PDPR: variants seen among roughly 807,000 people sequenced by gnomAD.
The protein encoded by PDPR is pyruvate dehydrogenase phosphatase regulatory subunit.
A neutral mutation model predicts 102.2 loss-of-function variants in PDPR; 50 were observed. The ratio of observed to expected loss-of-function variants is 0.49; its 90% confidence interval spans 0.39 to 0.62. The LOEUF (loss-of-function observed/expected upper bound fraction) is 0.62, where lower values mean the gene tolerates loss of function less well. Ranked by LOEUF, PDPR falls within the 20% of genes least tolerant of loss-of-function variation. The probability of loss-of-function intolerance (pLI) is 0.00; values close to 1 mark genes in which losing one functional copy is unlikely to be tolerated. For missense variants in PDPR, 625 were observed against 1,098.2 expected (o/e 0.57, Z 6.09); for synonymous variants, 259 against 406.0 (o/e 0.64, Z 4.35).
intron 2 of PDPR, 97 bp from the exon 3 acceptor site, chr16:70,120,364 G>T: frequency 1.4e-6 from 1 of 705,702 alleles, no homozygotes; most frequent in Non-Finnish European, 2.5e-6. Context: ...TCAAATATTT[G>T]CTGAATGAAT....
chr16:70,136,463 T>G (rs1433985966), intron 10 of PDPR, 77 bp downstream of exon 10: 1 of 1,089,280 alleles, frequency 9.2e-7, no homozygotes, highest in African/African-American at 1.6e-5. Context: ...AATTACTTGT[T>G]ATTAACATGG....
rs368632202 is a variant in PDPR, at chr16:70,120,731, A to T, written c.227+12A>T. 6 of 1,563,434 alleles carry T rather than the reference A, an allele frequency of 3.8e-6. No homozygotes were observed. In the African/African-American group the frequency reaches 8.1e-5, roughly 21 times the overall value. On this transcript the variant is annotated intron_variant, in intron 3 of 18. Coordinates refer to ENST00000288050, the MANE Select transcript of PDPR (RefSeq NM_017990.5). ...TTGGAGCAGGGCAGGTAAGGATCAG[A>T]CTGCATTTGGCTCATGGCTGTGCTG...
intron 10 of PDPR, among the ~76,000 whole-genome samples, chr16:70,137,993 A>C (rs1769470184): frequency 6.6e-6 from 1 of 151,754 alleles, no homozygotes; most frequent in South Asian, 2.1e-4. Context: ...ATCAGACTCC[A>C]GAAGAGCTAG....
At chr16:70,151,175 C>T (rs898037683) in intron 17 of PDPR, among the ~76,000 whole-genome samples, 25 of 152,230 alleles carry the variant, frequency 1.6e-4, no homozygotes, top group African/African-American at 5.8e-4. Context: ...ACCTCGTGAG[C>T]CGCCTGCCTC....
At position 70,146,205 on chromosome 16, in the gene PDPR, C is replaced by T; in HGVS notation, c.1939C>T (p.His647Tyr). The T allele has an allele frequency of 6.2e-7, 1 of 1,613,790 alleles. No individual in the cohort carries two copies. Among genetic ancestry groups the T allele is most frequent in the Non-Finnish European group, 8.5e-7 (1 of 1,179,838 alleles). ...GTCCTATGCCCCTATGACTCCAGAC[C>T]ACTTCCCAAGCCTCTTTTGCAAGGT... Reference protein sequence around the residue: ...ELSYAPMTPDHFPSLFCKEMS... With the variant: ...ELSYAPMTPDYFPSLFCKEMS... Residue 647 changes from histidine (H) to tyrosine (Y), a missense_variant, in exon 16 of 19, where the codon CAC (histidine) becomes TAC (tyrosine). Physicochemically the swap from His to Tyr is moderately conservative, Grantham distance 83 (BLOSUM62 2). Coordinates refer to ENST00000288050, the MANE Select transcript of PDPR (RefSeq NM_017990.5).
rs1965853803 is a variant in PDPR, at chr16:70,142,705, A to G, written c.1605+19A>G. ...GATAACAGTAAGTATTTGGGAACCA[A>G]AAAGTAATAGATTAGGAAACTTTAC... On this transcript the variant is annotated intron_variant, in intron 13 of 18. Transcript: ENST00000288050. 7.3e-7 allele frequency: 1 copy of G among 1,370,366 alleles called. No homozygotes were observed. The highest frequency in any genetic ancestry group is 9.9e-7 in the Non-Finnish European group (1 of 1,014,590). The allele number at this position is 1,370,366 out of a possible 1,614,324, so 84.9% of individuals were successfully genotyped here.
At position 70,142,379 on chromosome 16, in the gene PDPR, C is replaced by A; in HGVS notation, c.1461C>A (p.Pro487=). 6.2e-7 allele frequency: 1 copy of A among 1,614,036 alleles called. No individual in the cohort carries two copies. The highest frequency in any genetic ancestry group is 1.1e-5 in the South Asian group (1 of 91,068). The part of the protein sequence containing the change: ...HGFERPKYFV[P]PDKDLLALEQ... ...TTGAGAGGCCAAAGTACTTTGTTCC[C>A]CCCGACAAGGGTAAGAAGTCACATT... Residue 487 remains proline (P), a synonymous_variant, in exon 12 of 19, where the codon CCC becomes CCA. Coordinates refer to ENST00000288050, the MANE Select transcript of PDPR (RefSeq NM_017990.5).
chr16:70,133,103 C>A (rs1452027938), intron 9 of PDPR, among the ~76,000 whole-genome samples: 6 of 144,928 alleles, frequency 4.1e-5, no homozygotes, highest in African/African-American at 1.5e-4. Flanking sequence ...AGCCATGATA[C>A]CCAGCTGCTT....
rs1171841034 is a variant in PDPR, at chr16:70,159,456, G to A, written c.*2577G>A. 6.6e-6 allele frequency: 1 copy of A among 152,640 alleles called. No homozygotes were observed. Among genetic ancestry groups the A allele is most frequent in the Non-Finnish European group, 1.5e-5 (1 of 68,306 alleles). The allele number at this position is 152,640 out of a possible 1,614,324, so 9.5% of individuals were successfully genotyped here. On this transcript the variant is annotated 3_prime_UTR_variant, in exon 19 of 19. Transcript: ENST00000288050. Reference sequence around the variant, plus strand: ...GTGTTGATCTTCTAGGACATCACTTGTTTATTCAGTGCCCCAAACACAGAT... The same window carrying A: ...GTGTTGATCTTCTAGGACATCACTTATTTATTCAGTGCCCCAAACACAGAT...
chr16:70,130,920 C>T (rs1964476900), intron 7 of PDPR, among the ~76,000 whole-genome samples: 1 of 152,288 alleles, frequency 6.6e-6, no homozygotes, highest in South Asian at 2.1e-4. Flanking sequence ...TCTTTTAAAG[C>T]AGATTGGCTC....
At chr16:70,133,296 G>A (rs2869119) in intron 9 of PDPR, among the ~76,000 whole-genome samples, 53 of 151,630 alleles carry the variant, frequency 3.5e-4, no homozygotes, top group Middle Eastern at 3.5e-3. Context: ...TAATTTTTGT[G>A]TTTTTAGTAG....
chr16:70,152,442 C>A (rs1291893593), intron 17 of PDPR, among the ~76,000 whole-genome samples: 2 of 152,284 alleles, frequency 1.3e-5, no homozygotes, highest in African/African-American at 4.8e-5. Flanking sequence ...TCACTTGAAC[C>A]CGGGAGTGGA....
intron 3 of PDPR, among the ~76,000 whole-genome samples, chr16:70,121,930 GGTT>G (rs1351900376): frequency 5.9e-5 from 9 of 152,248 alleles, no homozygotes; most frequent in East Asian, 3.9e-4. Context: ...ACATCTGGCT[GGTT>G]GTTGTATTTT....
intron 11 of PDPR, among the ~76,000 whole-genome samples, chr16:70,141,194 C>T (rs1310532737): frequency 1.3e-5 from 2 of 152,234 alleles, no homozygotes; most frequent in South Asian, 2.1e-4. Context: ...GCTGGGATTA[C>T]AGGCGCCTGC....
intron 11 of PDPR, among the ~76,000 whole-genome samples, chr16:70,141,311 C>T (rs1246342755): frequency 2.0e-5 from 3 of 152,266 alleles, no homozygotes; most frequent in Non-Finnish European, 4.4e-5. Flanking sequence ...CTCGACCTCT[C>T]AGTGCTGGGT....
intron 17 of PDPR, among the ~76,000 whole-genome samples, chr16:70,151,455 T>C (rs1423159275): frequency 6.6e-6 from 1 of 152,298 alleles, no homozygotes; most frequent in African/African-American, 2.4e-5. Flanking sequence ...TTCATCTGCT[T>C]TTCCACACTC....
intron 10 of PDPR, among the ~76,000 whole-genome samples, chr16:70,137,707 A>C (rs1965292822): frequency 6.6e-6 from 1 of 152,272 alleles, no homozygotes; most frequent in Admixed American, 6.5e-5. Context: ...CTCTTGAGTG[A>C]TTTGTAGAAT....
At chr16:70,128,644 G>A (rs1298008053) in intron 4 of PDPR, 140 bp from the exon 5 acceptor site, 1 of 1,498,838 alleles carries the variant, frequency 6.7e-7, no homozygotes. Flanking sequence ...GCTCAGAGAA[G>A]CTGATTTACC....
In PDPR at chr16:70,128,881, GA is replaced by G; in HGVS notation, c.443+18del. 2 of 1,612,896 alleles carry G rather than the reference GA, an allele frequency of 1.2e-6. No individual in the cohort carries two copies. Among genetic ancestry groups the G allele is most frequent in the South Asian group, 2.2e-5 (2 of 90,906 alleles). On this transcript the variant is annotated intron_variant, in intron 5 of 18. Coordinates refer to ENST00000288050, the MANE Select transcript of PDPR (RefSeq NM_017990.5). ...CAGGGCTGAAGTACGTAAGAGTCTA[GA>G]AGCGTGTCCTGACTTTACCACACTG... is the stretch of plus-strand genomic sequence containing the variant.
Sources: allele counts gnomAD v4.1 joint callset (sites outside exome capture counted in the v4.1 genomes callset), GRCh38; gene constraint gnomAD v4.1.1; transcripts MANE v1.5; gene names NCBI Gene and HGNC (gene_info 2026-07-23, HGNC 2026-07-21).